The following HDHD2 variants were observed in gnomAD, a reference collection of about 807,000 sequenced individuals.
The protein encoded by HDHD2 is haloacid dehalogenase like hydrolase domain containing 2.
HDHD2 carries 26 observed loss-of-function variants against 24.8 expected under a neutral mutation model. The observed-to-expected ratio is 1.05, with a 90% CI of 0.77 to 1.45. The LOEUF (loss-of-function observed/expected upper bound fraction) is 1.45. Ranked by LOEUF, HDHD2 falls within the 40% of genes most tolerant of loss-of-function variation. The probability of loss-of-function intolerance (pLI) is 0.00; values close to 1 mark genes in which losing one functional copy is unlikely to be tolerated. For missense variants in HDHD2, 299 were observed against 313.4 expected (o/e 0.95, Z 0.35); for synonymous variants, 128 against 114.9 (o/e 1.11, Z -0.73).
At chr18:47,130,742 G>T (rs2063706157) in intron 3 of HDHD2, among the ~76,000 whole-genome samples, 1 of 152,142 alleles carries the variant, frequency 6.6e-6, no homozygotes, top group South Asian at 2.1e-4. Flanking sequence ...GAGGGACTGA[G>T]AATCTAAGAG....
At chr18:47,141,502 G>A (rs1020120133) in intron 1 of HDHD2, among the ~76,000 whole-genome samples, 2 of 152,150 alleles carry the variant, frequency 1.3e-5, no homozygotes, top group Non-Finnish European at 2.9e-5. Context: ...TCTAAAAACA[G>A]GAGTGTCCTC....
rs748697271 is a variant in HDHD2 at position 47,136,385 on chromosome 18, G to T, written c.55C>A (p.His19Asn). 6.2e-7 allele frequency: 1 copy of T among 1,612,998 alleles called. No individual in the cohort carries two copies. Among genetic ancestry groups the T allele is most frequent in the Admixed American group, 1.7e-5 (1 of 60,006 alleles). The change falls in exon 2 of 7, where the codon CAC (histidine) becomes AAC (asparagine). Residue 19 changes from histidine (H) to asparagine (N), a missense_variant. By Grantham distance (68) the His-to-Asn change is moderately conservative. Transcript: ENST00000300605. ...AVLVDLSGTL[H>N]IEDAAVPGAQ... ...CCTGGCACAGCTGCATCTTCAATGT[G>T]AAGTGTGCCACTGAGATCTACCAAA...
chr18:47,134,274 T>G, intron 3 of HDHD2: 1 of 568,664 alleles, frequency 1.8e-6, no homozygotes, highest in Admixed American at 3.2e-5. Flanking sequence ...AAGACACACA[T>G]ATAGATATGT....
Position 47,115,279 on chromosome 18 carries a change from T to C in HDHD2, c.465A>G (p.Leu155=). The change falls in exon 5 of 7, where the codon TTA becomes TTG. Residue 155 remains leucine, a synonymous_variant. Transcript: ENST00000300605. ...TCACAAATGGTCCAGGCCCCAGGGC[T>C]AAGCCATCTTTCCTCTTGTAATACC... ...KARYYKRKDG[L]ALGPGPFVTA... is the part of the protein sequence containing the mutation. 1.2e-6 allele frequency: 2 copies of C among 1,614,080 alleles called. No homozygotes were observed. Among genetic ancestry groups the C allele is most frequent in the Non-Finnish European group, 1.7e-6 (2 of 1,179,944 alleles).
At chr18:47,142,962 T>A (rs1314718025) in intron 1 of HDHD2, among the ~76,000 whole-genome samples, 6 of 151,988 alleles carry the variant, frequency 3.9e-5, no homozygotes, top group Non-Finnish European at 7.4e-5. Flanking sequence ...GAAACAGAAT[T>A]TACCTCCCTA....
At chr18:47,118,628 G>A (rs549951505) in intron 4 of HDHD2, among the ~76,000 whole-genome samples, 2 of 152,246 alleles carry the variant, frequency 1.3e-5, no homozygotes, top group African/African-American at 4.8e-5. Flanking sequence ...AATGCCTACC[G>A]GGCTTAATAC....
chr18:47,126,487 TA>T lies in HDHD2; in HGVS notation c.395+3756del, dbSNP rs965618314. On this transcript the variant is annotated intron_variant, in intron 4 of 6. Coordinates refer to ENST00000300605, the MANE Select transcript of HDHD2 (RefSeq NM_032124.5). Reference sequence around the variant, plus strand: ...TGGTAAGAAGCTCATCCTGAAAAATTAAAAAAAAAAATTCTGCACATCTCTA... The same window carrying T: ...TGGTAAGAAGCTCATCCTGAAAAATTAAAAAAAAAATTCTGCACATCTCTA... Among the ~76,000 whole-genome samples the T allele has an allele frequency of 2.3e-3, 336 of 147,780 alleles. 1 individual carries two copies. The highest frequency in any genetic ancestry group is 7.8e-3 in the African/African-American group (314 of 40,408).
chr18:47,133,657 T>C (rs964490209), intron 3 of HDHD2, among the ~76,000 whole-genome samples: 4 of 152,120 alleles, frequency 2.6e-5, no homozygotes, highest in African/African-American at 9.7e-5. Flanking sequence ...TCCTGTCTTT[T>C]TAATGATCGC....
At chr18:47,147,967 G>C (rs1734525071) in intron 1 of HDHD2, among the ~76,000 whole-genome samples, 1 of 149,830 alleles carries the variant, frequency 6.7e-6, no homozygotes, top group Non-Finnish European at 1.5e-5. Flanking sequence ...CTCTCTTCTT[G>C]TCCAAAACTT....
rs140823422 is a variant in HDHD2, at chr18:47,144,723, T to A, written c.-11+5655A>T. Among the ~76,000 whole-genome samples, 43 of 144,764 alleles carry A rather than the reference T, an allele frequency of 3.0e-4. 1 individual carries two copies. Among genetic ancestry groups the A allele is most frequent in the African/African-American group, 1.1e-3 (42 of 38,944 alleles). The allele number at this position is 144,764 out of a possible 152,430, so 95.0% of individuals were successfully genotyped here. On this transcript the variant is annotated intron_variant, in intron 1 of 6. Transcript: ENST00000300605. ...CTAAGGTGGGAGGGACTGCTTGGGC[T>A]CAGGAGTTCAAGGCCACAAAGAGCT...
chr18:47,109,959 A>C, intron 6 of HDHD2: 1 of 985,016 alleles, frequency 1.0e-6, no homozygotes, highest in Non-Finnish European at 1.2e-6. Flanking sequence ...TAAAGAATGA[A>C]TGGAGGGAAG....
At chr18:47,142,446 C>CA (rs1399034995) in intron 1 of HDHD2, among the ~76,000 whole-genome samples, 7 of 151,956 alleles carry the variant, frequency 4.6e-5, no homozygotes, top group Non-Finnish European at 7.4e-5. Context: ...AGAAGAGTGG[C>CA]AAAAAAACCC....
chr18:47,132,683 T>C (rs991445579), intron 3 of HDHD2, among the ~76,000 whole-genome samples: 2 of 152,254 alleles, frequency 1.3e-5, no homozygotes, highest in African/African-American at 4.8e-5. Flanking sequence ...TCTATAGCCA[T>C]GCTGAACTTA....
chr18:47,134,189 TAATCAAAC>T (rs1234585545), intron 3 of HDHD2, among the ~76,000 whole-genome samples: 1 of 152,222 alleles, frequency 6.6e-6, no homozygotes, highest in Non-Finnish European at 1.5e-5. Context: ...AACAGCATCA[TAATCAAAC>T]AATCAAACCA....
At position 47,115,319 on chromosome 18, in the gene HDHD2, G is replaced by T; in HGVS notation, c.425C>A (p.Ala142Glu). The T allele has an allele frequency of 1.2e-6, 2 of 1,613,870 alleles. No individual in the cohort carries two copies. Among genetic ancestry groups the T allele is most frequent in the South Asian group, 2.2e-5 (2 of 91,064 alleles). The change falls in exon 5 of 7, where the codon GCA (alanine) becomes GAA (glutamate). Residue 142 changes from alanine (A) to glutamate (E), a missense_variant. Coordinates refer to ENST00000300605, the MANE Select transcript of HDHD2 (RefSeq NM_032124.5). Reference sequence around the variant, plus strand: ...CTTGTAATACCTGGCTTTGTGGATTGCTATCAGAGGTGCTCCATCCAGGAG... The same window carrying T: ...CTTGTAATACCTGGCTTTGTGGATTTCTATCAGAGGTGCTCCATCCAGGAG... ...RLLLDGAPLI[A>E]IHKARYYKRK...
intron 1 of HDHD2, among the ~76,000 whole-genome samples, chr18:47,139,758 G>A (rs72907232): frequency 0.026 from 4,002 of 152,258 alleles, 62 homozygotes; most frequent in Non-Finnish European, 0.041. Context: ...ACTGGTATCT[G>A]CTGCAGAACT....
At chr18:47,120,364 A>G (rs1255164892) in intron 4 of HDHD2, among the ~76,000 whole-genome samples, 1 of 152,236 alleles carries the variant, frequency 6.6e-6, no homozygotes, top group Non-Finnish European at 1.5e-5. Context: ...TTATGGAGAC[A>G]GCTTCTTTCC....
chr18:47,128,548 A>G (rs1256221868), intron 4 of HDHD2, among the ~76,000 whole-genome samples: 1 of 152,212 alleles, frequency 6.6e-6, no homozygotes, highest in Non-Finnish European at 1.5e-5. Flanking sequence ...TAATTTTAAC[A>G]CCATATACAC....
At chr18:47,129,902 C>T (rs1205042326) in intron 4 of HDHD2, among the ~76,000 whole-genome samples, 1 of 152,050 alleles carries the variant, frequency 6.6e-6, no homozygotes, top group Non-Finnish European at 1.5e-5. Context: ...GGCGAAACCC[C>T]GTCTCTACTA....
Sources: gnomAD v4.1 joint callset for allele counts (sites outside exome capture counted in the v4.1 genomes callset) on GRCh38, gnomAD v4.1.1 for gene constraint, MANE v1.5 for transcripts, NCBI Gene and HGNC (gene_info 2026-07-23, HGNC 2026-07-21) for gene names.